Variants in OSMR observed in about 807,000 individuals in gnomAD.
OSMR encodes oncostatin M receptor, also known as oncostatin-M-specific receptor subunit beta.
A neutral mutation model predicts 99.9 loss-of-function variants in OSMR; 81 were observed. That is an observed-to-expected ratio of 0.81 (90% confidence interval 0.68 to 0.97). OSMR has a LOEUF of 0.97. Ranked by LOEUF, OSMR falls within the 50% of genes least tolerant of loss-of-function variation. The pLI, the probability that OSMR is intolerant of heterozygous loss-of-function variation, is 0.00. For missense variants in OSMR, 1,099 were observed against 1,153.4 expected, an observed-to-expected ratio of 0.95 and a Z score of 0.68; for synonymous variants, 406 against 410.4, an observed-to-expected ratio of 0.99 and a Z score of 0.13.
chr5:38,897,292 T>C (rs940045514), intron 7 of OSMR, among the ~76,000 whole-genome samples: 3 of 152,108 alleles, frequency 2.0e-5, no homozygotes, highest in South Asian at 2.1e-4. Flanking sequence ...TTTTCTTTGC[T>C]GAGAAACTTT....
chr5:38,892,910 T>G (rs1053457969), intron 7 of OSMR, among the ~76,000 whole-genome samples: 1 of 152,102 alleles, frequency 6.6e-6, no homozygotes, highest in African/African-American at 2.4e-5. Context: ...CAGGAGCTTC[T>G]TCTAGCCACC....
At chr5:38,927,684 C>T (rs1746534358) in intron 15 of OSMR, among the ~76,000 whole-genome samples, 1 of 152,162 alleles carries the variant, frequency 6.6e-6, no homozygotes, top group Non-Finnish European at 1.5e-5. Context: ...TCTGACATGG[C>T]CTGGAGACAT....
At chr5:38,944,339 A>G in intron 2 of OSMR, 1 of 1,135,816 alleles carries the variant, frequency 8.8e-7, no homozygotes, top group South Asian at 1.3e-5. Context: ...GCAGTTTAGA[A>G]CTACTGATGT....
At chr5:38,914,769 G>A (rs1260755028) in intron 9 of OSMR, among the ~76,000 whole-genome samples, 8 of 152,198 alleles carry the variant, frequency 5.3e-5, no homozygotes, top group Non-Finnish European at 1.5e-5. Context: ...ACTTTTAAGT[G>A]GGAACTGAAC....
chr5:38,851,203 A>G (rs567147935), intron 1 of OSMR, among the ~76,000 whole-genome samples: 2 of 152,316 alleles, frequency 1.3e-5, no homozygotes, highest in African/African-American at 4.8e-5. Context: ...AAACATGCAC[A>G]CACACACGTT....
Position 38,917,548 on chromosome 5 carries a change from C to G in OSMR, c.1288C>G (p.Pro430Ala). ...GQNFTTLEAA[P>A]SEAPDVWRIV... ...AACTTTTCTTTGGTTAATTTCAGCTCCCTCAGAGGCCCCTGATGTCTGGAG... is the reference window on the plus strand; with the variant it reads ...AACTTTTCTTTGGTTAATTTCAGCTGCCTCAGAGGCCCCTGATGTCTGGAG... Residue 430 changes from proline to alanine, a missense_variant and splice_region_variant, in exon 10 of 18, where the codon CCC becomes GCC. Transcript: ENST00000274276. 1.5e-5 allele frequency: 24 copies of G among 1,613,218 alleles called. No homozygotes were observed. The highest frequency in any genetic ancestry group is 2.0e-5 in the Non-Finnish European group (24 of 1,179,268).
intron 1 of OSMR, among the ~76,000 whole-genome samples, chr5:38,864,686 T>A (rs929622781): frequency 3.3e-5 from 5 of 152,156 alleles, no homozygotes; most frequent in African/African-American, 1.2e-4. Flanking sequence ...TAAAAAATTA[T>A]CTCCCTGTCT....
At chr5:38,849,042 T>C (rs919387189) in intron 1 of OSMR, among the ~76,000 whole-genome samples, 32 of 152,136 alleles carry the variant, frequency 2.1e-4, no homozygotes, top group South Asian at 2.1e-4. Flanking sequence ...CCTCCCACAG[T>C]GCTAGGATTA....
Position 38,866,026 on chromosome 5 carries a change from A to T in OSMR, c.-13-3006A>T, listed in dbSNP as rs1212912316. Among the ~76,000 whole-genome samples, 4 of 152,146 alleles carry T rather than the reference A, an allele frequency of 2.6e-5. No individual in the cohort carries two copies. In the East Asian group the frequency reaches 7.7e-4, roughly 29 times the overall value. The stretch of plus-strand genomic sequence containing the variant: ...AGATGCTGGTGGTGTTAGACTGGGC[A>T]TGTTAATCACCAGGCTCCTGGATGA... On this transcript the variant is annotated intron_variant, in intron 1 of 17. Transcript: ENST00000274276.
intron 7 of OSMR, 71 bp downstream of exon 7, chr5:38,886,261 T>G: frequency 6.2e-7 from 1 of 1,611,678 alleles, no homozygotes. Context: ...TGTGATCAAG[T>G]AAATGTGCTG....
chr5:38,852,718 ATTTTTTTTT>A (rs61559728), intron 1 of OSMR, among the ~76,000 whole-genome samples: 799 of 70,646 alleles, frequency 0.011, 5 homozygotes, highest in African/African-American at 0.04. Context: ...TATTGTTTTC[ATTTTTTTTT>A]TTTTTTTTTT....
intron 1 of OSMR, among the ~76,000 whole-genome samples, chr5:38,848,784 G>T (rs1168716008): frequency 6.6e-6 from 1 of 151,540 alleles, no homozygotes; most frequent in Non-Finnish European, 1.5e-5. Flanking sequence ...TATTCTTTTT[G>T]TGTGTGTGTG....
intron 1 of OSMR, among the ~76,000 whole-genome samples, chr5:38,858,145 A>G (rs1355724320): frequency 1.3e-5 from 2 of 152,100 alleles, no homozygotes; most frequent in Non-Finnish European, 2.9e-5. Context: ...TCCTCCAGCA[A>G]TTTTGAAATA....
At chr5:38,854,292 A>T (rs575875482) in intron 1 of OSMR, among the ~76,000 whole-genome samples, 3 of 152,196 alleles carry the variant, frequency 2.0e-5, no homozygotes, top group Non-Finnish European at 2.9e-5. Context: ...GCTGCTTCTC[A>T]TGGGCATTAT....
rs115987576 is a variant in OSMR at position 38,944,032 on chromosome 5, C to G, written c.75-169C>G. 5.5e-3 allele frequency among the ~76,000 whole-genome samples: 830 copies of G among 152,198 alleles called. 9 individuals are homozygous for G. The highest frequency in any genetic ancestry group is 0.019 in the African/African-American group (789 of 41,520). The stretch of plus-strand genomic sequence containing the variant: ...AAGCTTATTTTTGTGTGGGTTACAG[C>G]CACCATTAACTACTATATTAGAAAT... On this transcript the variant is annotated intron_variant and NMD_transcript_variant, in intron 1 of 2. Transcript: ENST00000508882.
intron 9 of OSMR, among the ~76,000 whole-genome samples, chr5:38,914,037 A>C (rs1745760860): frequency 6.6e-6 from 1 of 152,244 alleles, no homozygotes; most frequent in South Asian, 2.1e-4. Flanking sequence ...GGAGCCTGAC[A>C]TAATAAAACT....
chr5:38,917,410 T>G, intron 9 of OSMR, 136 bp from the exon 10 acceptor site: 3 of 1,473,140 alleles, frequency 2.0e-6, no homozygotes, highest in Non-Finnish European at 1.8e-6. Context: ...GTAGAAGTCA[T>G]AGAGAGTGAA....
chr5:38,907,136 C>T (rs1485168456), intron 9 of OSMR, among the ~76,000 whole-genome samples: 1 of 152,112 alleles, frequency 6.6e-6, no homozygotes, highest in Non-Finnish European at 1.5e-5. Flanking sequence ...CCTAGAAAAC[C>T]CTACATTAAG....
At chr5:38,932,592 G>T in intron 17 of OSMR, 57 bp downstream of exon 17, 2 of 1,576,104 alleles carry the variant, frequency 1.3e-6, no homozygotes, top group Non-Finnish European at 1.7e-6. Context: ...AACCCAGAGT[G>T]GGGGCTGTCA....
Sources: allele counts gnomAD v4.1 joint callset (sites outside exome capture counted in the v4.1 genomes callset), GRCh38; gene constraint gnomAD v4.1.1; transcripts MANE v1.5; gene names NCBI Gene and HGNC (gene_info 2026-07-23, HGNC 2026-07-21).